The following KCNJ5 variants were observed in gnomAD, a reference collection of about 807,000 sequenced individuals.
KCNJ5 encodes G protein-activated inward rectifier potassium channel 4.
Under a neutral mutation model 20.2 loss-of-function variants are expected in KCNJ5, and 12 were observed. The ratio of observed to expected loss-of-function variants is 0.59; its 90% confidence interval spans 0.38 to 0.96. The LOEUF (loss-of-function observed/expected upper bound fraction) is 0.96, where lower values mean the gene tolerates loss of function less well. Ranked by LOEUF, KCNJ5 falls within the 40% of genes least tolerant of loss-of-function variation. KCNJ5 has a pLI of 0.00. For missense variants in KCNJ5, 449 were observed against 557.6 expected (o/e 0.81, Z 1.96); for synonymous variants, 210 against 213.9 (o/e 0.98, Z 0.16).
At chr11:128,895,777 G>T (rs1228659403) in intron 1 of KCNJ5, among the ~76,000 whole-genome samples, 1 of 152,278 alleles carries the variant, frequency 6.6e-6, no homozygotes, top group East Asian at 1.9e-4. Flanking sequence ...CGCGCCCTTA[G>T]GGAGAGGCAC....
At chr11:128,893,278 C>T (rs78124321) in intron 1 of KCNJ5, among the ~76,000 whole-genome samples, 7,584 of 152,088 alleles carry the variant, frequency 0.05, 270 homozygotes, top group Non-Finnish European at 0.075. Flanking sequence ...TGGGGCACAG[C>T]GTATGTGCTT....
At chr11:128,916,366 A>T in intron 2 of KCNJ5, 43 bp from the exon 3 acceptor site, 1 of 1,399,014 alleles carries the variant, frequency 7.1e-7, no homozygotes, top group Non-Finnish European at 1.0e-6. Context: ...GGATAGATGG[A>T]TGGATGATTG....
In KCNJ5 at chr11:128,911,549, C is replaced by A. The variant is rs1944499040; in HGVS notation, c.276C>A (p.Val92=). ...TCAAGTGGCGCTTCAACTTGCTCGT[C>A]TTCACCATGGTTTACACTGTCACCT... ...VDLKWRFNLL[V]FTMVYTVTWL... is the part of the protein sequence containing the mutation. Residue 92 remains valine, a synonymous_variant, in exon 2 of 3, where the codon GTC becomes GTA. Transcript: ENST00000529694. The surrounding 1 kb of genome is among the most constrained non-coding windows in gnomAD (Gnocchi z 6.3). 6.2e-7 allele frequency: 1 copy of A among 1,614,122 alleles called. No individual in the cohort carries two copies. The highest frequency in any genetic ancestry group is 1.7e-5 in the Admixed American group (1 of 60,018).
intron 1 of KCNJ5, among the ~76,000 whole-genome samples, chr11:128,907,392 G>T (rs1014878193): frequency 9.9e-5 from 15 of 152,216 alleles, no homozygotes; most frequent in African/African-American, 3.6e-4. Flanking sequence ...TTTCCTCCCT[G>T]TGGGTGCGTG....
chr11:128,903,358 T>C, intron 1 of KCNJ5: 2 of 1,614,006 alleles, frequency 1.2e-6, no homozygotes, highest in South Asian at 1.1e-5. Flanking sequence ...ATCCGGCAGC[T>C]GCACTCACCT....
At chr11:128,908,884 C>T (rs1204155009) in intron 1 of KCNJ5, among the ~76,000 whole-genome samples, 2 of 152,192 alleles carry the variant, frequency 1.3e-5, no homozygotes, top group Non-Finnish European at 2.9e-5. Context: ...CATTTTCCAT[C>T]ATCTCTGAGC....
intron 1 of KCNJ5, among the ~76,000 whole-genome samples, chr11:128,896,170 T>C (rs1297395699): frequency 6.6e-6 from 1 of 151,024 alleles, no homozygotes; most frequent in Admixed American, 6.6e-5. Flanking sequence ...AGTGTATTTA[T>C]GCTTCTTTAA....
intron 1 of KCNJ5, among the ~76,000 whole-genome samples, chr11:128,906,492 G>A (rs529382390): frequency 1.6e-4 from 25 of 152,192 alleles, no homozygotes; most frequent in Non-Finnish European, 3.1e-4. Context: ...CAGGGTGTCA[G>A]CGAGGCCAGC....
intron 1 of KCNJ5, among the ~76,000 whole-genome samples, chr11:128,897,460 T>C (rs1273871875): frequency 6.6e-6 from 1 of 152,206 alleles, no homozygotes; most frequent in Non-Finnish European, 1.5e-5. Flanking sequence ...AAATGTCTTC[T>C]CATGTCTTTT....
rs924306975 is a variant in KCNJ5, at chr11:128,920,229, C to T, written c.*3498C>T. The T allele has an allele frequency of 6.6e-6, 1 of 152,374 alleles. No homozygotes were observed. Among genetic ancestry groups the T allele is most frequent in the African/African-American group, 2.4e-5 (1 of 41,432 alleles). 9.4% of individuals were successfully genotyped at this position (152,374 alleles called of 1,614,324 possible). On this transcript the variant is annotated 3_prime_UTR_variant, in exon 3 of 3. Coordinates refer to ENST00000529694, the MANE Select transcript of KCNJ5 (RefSeq NM_000890.5). ...AGGGCAGAATGGGCATTGCCTTTGA[C>T]TCTCCCCTTCAGACTCCCCTCCCAC...
At chr11:128,907,485 A>G (rs1017637784) in intron 1 of KCNJ5, among the ~76,000 whole-genome samples, 2 of 152,212 alleles carry the variant, frequency 1.3e-5, no homozygotes, top group African/African-American at 4.8e-5. Flanking sequence ...ACTTCCTTTG[A>G]TTTTGCCTCT....
intron 1 of KCNJ5, chr11:128,909,740 T>C (rs1296172493): frequency 1.3e-5 from 2 of 152,092 alleles, no homozygotes; most frequent in East Asian, 3.9e-4. Context: ...TAAGTGGGGG[T>C]TCCTGGGGGA....
chr11:128,902,752 T>C, intron 1 of KCNJ5: 1 of 1,565,834 alleles, frequency 6.4e-7, no homozygotes, highest in South Asian at 1.2e-5. Flanking sequence ...AGGAATTCAG[T>C]GGCACTACCA....
rs567834519 is a variant in KCNJ5, at chr11:128,916,996, T to G, written c.*265T>G. 2.3e-6 allele frequency: 1 copy of G among 433,206 alleles called. No individual in the cohort carries two copies. Among genetic ancestry groups the G allele is most frequent in the Non-Finnish European group, 4.1e-6 (1 of 242,272 alleles). 26.8% of individuals were successfully genotyped at this position (433,206 alleles called of 1,614,324 possible). On this transcript the variant is annotated 3_prime_UTR_variant, in exon 3 of 3. Transcript: ENST00000529694. ...GGCCAGGCCAGGATGAGTTTCCCCA[T>G]GGTGAATGTTACCGGATGGCATCTG...
At chr11:128,912,243 G>A in intron 2 of KCNJ5, 33 bp downstream of exon 2, 1 of 1,549,048 alleles carries the variant, frequency 6.5e-7, no homozygotes, top group Non-Finnish European at 8.8e-7. Flanking sequence ...GCCACAGGTG[G>A]CCCTACCTAC....
chr11:128,910,018 G>T (rs939260146), intron 1 of KCNJ5: 1 of 152,192 alleles, frequency 6.6e-6, no homozygotes, highest in African/African-American at 2.4e-5. Context: ...CATGCTAAGT[G>T]AGCTTCATTC....
chr11:128,898,108 C>A (rs1370461614), intron 1 of KCNJ5, among the ~76,000 whole-genome samples: 1 of 152,142 alleles, frequency 6.6e-6, no homozygotes, highest in Non-Finnish European at 1.5e-5. Context: ...CCACTTTATT[C>A]TTTTCCAAAA....
chr11:128,903,851 C>T (rs1380849267), intron 1 of KCNJ5, among the ~76,000 whole-genome samples: 1 of 152,144 alleles, frequency 6.6e-6, no homozygotes. Flanking sequence ...GCAGCTTGTG[C>T]ACAGCGGACC....
chr11:128,902,610 G>A (rs767008655), intron 1 of KCNJ5: 30 of 1,613,530 alleles, frequency 1.9e-5, no homozygotes, highest in Middle Eastern at 1.7e-4. Flanking sequence ...TAGCCCAGGC[G>A]GCCCTCTCTA....
Sources: gnomAD v4.1 joint callset for allele counts (sites outside exome capture counted in the v4.1 genomes callset) on GRCh38, gnomAD v4.1.1 for gene constraint, Gnocchi (gnomAD v3.1) non-coding constraint, MANE v1.5 for transcripts, NCBI Gene and HGNC (gene_info 2026-07-23, HGNC 2026-07-21) for gene names.